ACAA2: variants seen among roughly 807,000 people sequenced by gnomAD.
The protein encoded by ACAA2 is acetyl-CoA acyltransferase 2.
ACAA2 carries 35 observed loss-of-function variants against 44.8 expected under a neutral mutation model. The ratio of observed to expected loss-of-function variants is 0.78; its 90% CI spans 0.60 to 1.04. ACAA2 has a LOEUF of 1.04. ACAA2 is among the 50% of genes least tolerant of loss of function. The pLI is 0.00. For missense variants in ACAA2, 468 were observed against 482.6 expected (o/e 0.97, Z 0.28); for synonymous variants, 142 against 166.5 (o/e 0.85, Z 1.13).
At chr18:49,787,260 T>TA (rs35932656) in intron 8 of ACAA2, 31 bp downstream of exon 8, 19,954 of 1,020,752 alleles carry the variant, frequency 0.02, 150 homozygotes, top group South Asian at 0.061. Flanking sequence ...TTCATGTTGT[T>TA]AAAAAAAAAA....
chr18:49,793,044 G>A (rs928526628), intron 5 of ACAA2, among the ~76,000 whole-genome samples: 2 of 151,996 alleles, frequency 1.3e-5, no homozygotes, highest in African/African-American at 4.8e-5. Flanking sequence ...TAGATGTAAT[G>A]GCAATAAATG....
chr18:49,812,189 G>C lies in ACAA2; in HGVS notation c.16+1280C>G, dbSNP rs539524497. Among the ~76,000 whole-genome samples the C allele has an allele frequency of 2.0e-5, 3 of 152,230 alleles. No individual in the cohort carries two copies. The South Asian group carries it at 6.2e-4, about 32-fold the overall frequency. ...CAGGAAACTGTAAACACTGCATTTG[G>C]TCCCAGAATACGGATTTTTCCCTTG... On this transcript the variant is annotated intron_variant, in intron 1 of 9. Coordinates refer to ENST00000285093, the MANE Select transcript of ACAA2 (RefSeq NM_006111.3).
At chr18:49,802,444 C>T (rs578174470) in intron 2 of ACAA2, among the ~76,000 whole-genome samples, 2 of 152,028 alleles carry the variant, frequency 1.3e-5, no homozygotes, top group Admixed American at 1.3e-4. Flanking sequence ...CGCCTGTAAT[C>T]CCAGCTACTC....
intron 1 of ACAA2, among the ~76,000 whole-genome samples, chr18:49,810,263 T>G (rs1475298431): frequency 1.3e-5 from 2 of 152,178 alleles, no homozygotes; most frequent in Non-Finnish European, 2.9e-5. Flanking sequence ...CCACACCCCG[T>G]TCTCCTGCAG....
chr18:49,783,895 G>GC lies in ACAA2; in HGVS notation c.1145dup (p.Cys382TrpfsTer25), dbSNP rs2023295256. 6.2e-7 allele frequency: 1 copy of GC among 1,614,006 alleles called. No homozygotes were observed. Among genetic ancestry groups the GC allele is most frequent in the Non-Finnish European group, 8.5e-7 (1 of 1,179,954 alleles). ...CAGCAATACCTTGGCCACCTCCAAT[G>GC]CAAGCTGATCCAACGGCATATTTTC... On this transcript the variant is annotated frameshift_variant, in exon 10 of 10. Transcript: ENST00000285093. LOFTEE classifies it high-confidence loss of function.
chr18:49,787,488 T>TTA, intron 7 of ACAA2, 127 bp from the exon 8 acceptor site: 1 of 658,840 alleles, frequency 1.5e-6, no homozygotes, highest in Non-Finnish European at 2.3e-6. Flanking sequence ...GCCACAAATC[T>TTA]TACTACCTTG....
intron 2 of ACAA2, among the ~76,000 whole-genome samples, chr18:49,799,978 G>GC: frequency 6.7e-6 from 1 of 150,026 alleles, no homozygotes; most frequent in East Asian, 2.0e-4. Context: ...CCTCCGCCCG[G>GC]CAGCCACCCC....
At position 49,797,548 on chromosome 18, in the gene ACAA2, A is replaced by T. The variant is rs1015265774; in HGVS notation, c.230T>A (p.Val77Glu). ...AGCTGGGGTCTCCTTTGGGATTCCC[A>T]CACGCAAACCAACATGCCTTGCCAA... ...IYLARHVGLR[V>E]GIPKETPALT... Residue 77 changes from valine to glutamate, a missense_variant, in exon 3 of 10, where the codon GTG becomes GAG. Coordinates refer to ENST00000285093, the MANE Select transcript of ACAA2 (RefSeq NM_006111.3). 8.2e-5 allele frequency: 133 copies of T among 1,612,146 alleles called. No individual in the cohort carries two copies. Among genetic ancestry groups the T allele is most frequent in the Non-Finnish European group, 1.1e-4 (132 of 1,179,460 alleles).
chr18:49,797,429 C>T (rs202059689), intron 3 of ACAA2, 37 bp downstream of exon 3: 6 of 1,577,970 alleles, frequency 3.8e-6, no homozygotes, highest in Non-Finnish European at 5.2e-6. Flanking sequence ...TAACTATTAA[C>T]ATATTTTCAG....
chr18:49,793,191 T>C (rs571169282), intron 5 of ACAA2, among the ~76,000 whole-genome samples: 1 of 152,350 alleles, frequency 6.6e-6, no homozygotes, highest in Admixed American at 6.5e-5. Flanking sequence ...CAATCACTAA[T>C]ACAATTATAA....
At chr18:49,797,259 T>C (rs2023475144) in intron 3 of ACAA2, among the ~76,000 whole-genome samples, 2 of 146,782 alleles carry the variant, frequency 1.4e-5, no homozygotes, top group Admixed American at 6.9e-5. Context: ...TCAGGTTCAT[T>C]ATTAGCTTTT....
intron 1 of ACAA2, among the ~76,000 whole-genome samples, chr18:49,803,740 G>A (rs2023582615): frequency 2.0e-5 from 3 of 152,118 alleles, no homozygotes; most frequent in African/African-American, 7.2e-5. Flanking sequence ...AAACTAGAAG[G>A]TGCCTTAGGG....
intron 7 of ACAA2, among the ~76,000 whole-genome samples, chr18:49,788,916 C>G (rs186458465): frequency 1.3e-5 from 2 of 152,170 alleles, no homozygotes; most frequent in African/African-American, 4.8e-5. Context: ...AATAGCTGTG[C>G]GACTTTGTGC....
At chr18:49,783,965 A>C (rs761921652) in intron 9 of ACAA2, 34 bp from the exon 10 acceptor site, 1 of 1,562,556 alleles carries the variant, frequency 6.4e-7, no homozygotes, top group African/African-American at 1.4e-5. Flanking sequence ...AATCTACTCT[A>C]ATAAAAAATC....
rs141305569 is a variant in ACAA2 at position 49,785,426 on chromosome 18, T to TATCA, written c.955-79_955-76dup. 3,389 of 1,418,210 alleles carry TATCA rather than the reference T, an allele frequency of 2.4e-3. 51 individuals carry two copies. In the African/African-American group the frequency reaches 0.041, roughly 17 times the overall value. The allele number at this position is 1,418,210 out of a possible 1,614,324, so 87.9% of individuals were successfully genotyped here. A position where few individuals can be genotyped will look rare whatever the true frequency, so the allele number is the denominator to read the frequency against. Reference sequence around the variant, plus strand: ...TTTTTAAATGAGAATGGTCCAGTCCTATCAACAGCTAAGTCTGCTGTTTCT... The same window carrying TATCA: ...TTTTTAAATGAGAATGGTCCAGTCCTATCAATCAACAGCTAAGTCTGCTGTTTCT... On this transcript the variant is annotated intron_variant, in intron 8 of 9. Coordinates refer to ENST00000285093, the MANE Select transcript of ACAA2 (RefSeq NM_006111.3).
chr18:49,803,974 G>A (rs955631755), intron 1 of ACAA2, among the ~76,000 whole-genome samples: 2 of 149,638 alleles, frequency 1.3e-5, no homozygotes, highest in Non-Finnish European at 3.0e-5. Context: ...GCAGTGGCGC[G>A]ATTTCGGCTC....
At chr18:49,800,073 GGGAGGGAGGTGGGGGTCAGCCCCCACCA>G (rs2023521977) in intron 2 of ACAA2, among the ~76,000 whole-genome samples, 1 of 151,200 alleles carries the variant, frequency 6.6e-6, no homozygotes, top group Non-Finnish European at 1.5e-5. Flanking sequence ...CACGCCATCC[GGGAGGGAGGTGGGGGTCAGCCCCCACCA>G]GGCCAGCCGC....
intron 5 of ACAA2, 26 bp from the exon 6 acceptor site, chr18:49,792,353 T>C: frequency 6.4e-7 from 1 of 1,571,528 alleles, no homozygotes; most frequent in Non-Finnish European, 8.7e-7. Flanking sequence ...GAGACTATCA[T>C]AAGAATAAAA....
chr18:49,793,489 AC>A (rs2023429955), intron 5 of ACAA2, among the ~76,000 whole-genome samples: 1 of 152,194 alleles, frequency 6.6e-6, no homozygotes, highest in South Asian at 2.1e-4. Flanking sequence ...ATAACTCTTG[AC>A]TTCTAGACCA....
Sources: gnomAD v4.1 joint callset for allele counts (sites outside exome capture counted in the v4.1 genomes callset) on GRCh38, gnomAD v4.1.1 for gene constraint, MANE v1.5 for transcripts, NCBI Gene and HGNC (gene_info 2026-07-23, HGNC 2026-07-21) for gene names.